The following KCNMB2 variants were observed in gnomAD, a reference collection of about 807,000 sequenced individuals.
The protein encoded by KCNMB2 is potassium calcium-activated channel subfamily M regulatory beta subunit 2, also known as calcium-activated potassium channel subunit beta-2.
Under a neutral mutation model 24.5 loss-of-function variants are expected in KCNMB2, and 9 were observed. The ratio of observed to expected loss-of-function variants is 0.37; its 90% CI spans 0.22 to 0.64. The LOEUF is 0.64. Among genes scored for constraint, KCNMB2 ranks in the 30% least tolerant of loss-of-function variants. KCNMB2 has a pLI of 0.63. For missense variants in KCNMB2, 226 were observed against 284.3 expected, an observed-to-expected ratio of 0.79 and a Z score of 1.47; for synonymous variants, 109 against 104.4, an observed-to-expected ratio of 1.04 and a Z score of -0.27.
At chr3:178,781,317 C>A (rs1224503640) in intron 1 of KCNMB2, among the ~76,000 whole-genome samples, 10 of 152,034 alleles carry the variant, frequency 6.6e-5, no homozygotes, top group African/African-American at 2.2e-4. Flanking sequence ...ATATGACGGG[C>A]ACGGTGGCTC....
intron 1 of KCNMB2, among the ~76,000 whole-genome samples, chr3:178,724,403 G>A (rs1432248820): frequency 2.0e-5 from 3 of 152,080 alleles, no homozygotes; most frequent in African/African-American, 7.2e-5. Flanking sequence ...CTGGATATCA[G>A]TCCTTTGTCA....
At chr3:178,773,447 C>CAAAAT (rs943876617) in intron 1 of KCNMB2, among the ~76,000 whole-genome samples, 1 of 151,886 alleles carries the variant, frequency 6.6e-6, no homozygotes, top group African/African-American at 2.4e-5. Context: ...AATCTGGGTC[C>CAAAAT]AAAATAATCA....
At chr3:178,707,527 G>C (rs551390040) in intron 1 of KCNMB2, among the ~76,000 whole-genome samples, 72 of 152,260 alleles carry the variant, frequency 4.7e-4, no homozygotes, top group African/African-American at 1.7e-3. Flanking sequence ...TCAGGATCAA[G>C]TGGTGATTAC....
At chr3:178,798,734 T>C (rs182534265) in intron 1 of KCNMB2, among the ~76,000 whole-genome samples, 21 of 151,054 alleles carry the variant, frequency 1.4e-4, no homozygotes, top group East Asian at 2.0e-4. Context: ...GGGAGTGAGG[T>C]TGGGGGAGGG....
At chr3:178,721,335 T>G (rs1011635156) in intron 1 of KCNMB2, among the ~76,000 whole-genome samples, 1 of 152,210 alleles carries the variant, frequency 6.6e-6, no homozygotes, top group African/African-American at 2.4e-5. Flanking sequence ...TTGATCTGTA[T>G]CTCTGTTTTG....
intron 1 of KCNMB2, among the ~76,000 whole-genome samples, chr3:178,649,440 C>T (rs1577071625): frequency 1.3e-5 from 2 of 151,942 alleles, no homozygotes; most frequent in East Asian, 3.9e-4. Context: ...CTCCCAACAT[C>T]ATCTATAGAA....
intron 1 of KCNMB2, among the ~76,000 whole-genome samples, chr3:178,717,813 G>A (rs935416496): frequency 6.6e-6 from 1 of 151,850 alleles, no homozygotes; most frequent in African/African-American, 2.4e-5. Context: ...TGGGGAGTAG[G>A]TAGACAAAGC....
chr3:178,672,961 A>G (rs1029716250), intron 1 of KCNMB2, among the ~76,000 whole-genome samples: 5 of 152,180 alleles, frequency 3.3e-5, no homozygotes, highest in Admixed American at 6.5e-5. Context: ...CTGTATCTCC[A>G]GTTCATTTGC....
At chr3:178,676,489 T>A (rs2108588915) in intron 1 of KCNMB2, among the ~76,000 whole-genome samples, 1 of 152,280 alleles carries the variant, frequency 6.6e-6, no homozygotes, top group East Asian at 1.9e-4. Flanking sequence ...GCCATTTTTC[T>A]CCTCCAGCTC....
At chr3:178,653,847 T>C (rs1031783921) in intron 1 of KCNMB2, among the ~76,000 whole-genome samples, 11 of 152,300 alleles carry the variant, frequency 7.2e-5, no homozygotes, top group African/African-American at 2.2e-4. Flanking sequence ...GAAATTGGCC[T>C]ATAATTTTCA....
chr3:178,803,239 C>G (rs1018061826), intron 1 of KCNMB2, among the ~76,000 whole-genome samples: 6 of 152,198 alleles, frequency 3.9e-5, no homozygotes, highest in African/African-American at 1.4e-4. Context: ...GCCCCATCTG[C>G]TGCTCTCACT....
At position 178,693,124 on chromosome 3, in the gene KCNMB2, G is replaced by A. The variant is rs112504495; in HGVS notation, c.-67-114219G>A. On this transcript the variant is annotated intron_variant, in intron 1 of 4. Coordinates refer to ENST00000452583, the MANE Select transcript of KCNMB2 (RefSeq NM_181361.3). The stretch of plus-strand genomic sequence containing the variant: ...TGTATCCTGAGACTTTGCTGAACTT[G>A]TTTATCAGCTTAAGAAGCATTTAGG... Among the ~76,000 whole-genome samples, 253 of 152,256 alleles carry A rather than the reference G, an allele frequency of 1.7e-3. 1 individual carries two copies. Among genetic ancestry groups the A allele is most frequent in the African/African-American group, 5.8e-3 (242 of 41,552 alleles).
At chr3:178,769,432 C>T (rs1712254948) in intron 1 of KCNMB2, among the ~76,000 whole-genome samples, 1 of 152,102 alleles carries the variant, frequency 6.6e-6, no homozygotes. Context: ...GCTGTTGACA[C>T]TCAAAGATGG....
chr3:178,655,136 CTCTCTCTA>C (rs1205759731), intron 1 of KCNMB2, among the ~76,000 whole-genome samples: 67 of 144,726 alleles, frequency 4.6e-4, no homozygotes, highest in African/African-American at 1.5e-3. Flanking sequence ...CTCTCTCTCT[CTCTCTCTA>C]TCTCTATTTC....
At chr3:178,681,009 A>G (rs1242052876) in intron 1 of KCNMB2, among the ~76,000 whole-genome samples, 1 of 152,204 alleles carries the variant, frequency 6.6e-6, no homozygotes. Context: ...TCACAGTCAG[A>G]GCTCTGAGTT....
At chr3:178,774,868 T>C (rs1712517110) in intron 1 of KCNMB2, among the ~76,000 whole-genome samples, 1 of 152,228 alleles carries the variant, frequency 6.6e-6, no homozygotes, top group South Asian at 2.1e-4. Context: ...TTAAATGTTG[T>C]GCATTCCTTC....
chr3:178,784,953 T>C (rs920746739), intron 1 of KCNMB2, among the ~76,000 whole-genome samples: 1 of 150,804 alleles, frequency 6.6e-6, no homozygotes, highest in East Asian at 2.0e-4. Flanking sequence ...GCCCAGAATA[T>C]CTCTGACAAA....
rs144151224 is a variant in KCNMB2, at chr3:178,837,164, G to C, written c.424-5489G>C. ...TGCTTCTGTGAAAACCATGCAGCTA[G>C]TAATTTTCTCGTCTTAGAGATTTCA... is the stretch of plus-strand genomic sequence containing the variant. On this transcript the variant is annotated intron_variant, in intron 4 of 4. Coordinates refer to ENST00000452583, the MANE Select transcript of KCNMB2 (RefSeq NM_181361.3). Among the ~76,000 whole-genome samples, 24 of 152,282 alleles carry C rather than the reference G, an allele frequency of 1.6e-4. No individual in the cohort carries two copies. The East Asian group carries it at 4.4e-3, about 28-fold the overall frequency.
In KCNMB2 at chr3:178,759,459, CTCCAAGAGGATATATATATATATATATA is replaced by C. The variant is rs1161402585; in HGVS notation, c.-67-47881_-67-47854del. On this transcript the variant is annotated intron_variant, in intron 1 of 4. Transcript: ENST00000452583. Reference sequence around the variant, plus strand: ...GATATATATATATATATATATATATCTCCAAGAGGATATATATATATATATATATCTCCAAGAGGATATATATATATCT... The same window carrying C: ...GATATATATATATATATATATATATCTCTCCAAGAGGATATATATATATCT... 4.7e-4 allele frequency among the ~76,000 whole-genome samples: 20 copies of C among 42,640 alleles called. 2 individuals carry two copies. In the South Asian group the frequency reaches 9.4e-3, roughly 20 times the overall value. 28.0% of individuals were successfully genotyped at this position (42,640 alleles called of 152,430 possible).
Sources: gnomAD v4.1 joint callset for allele counts (sites outside exome capture counted in the v4.1 genomes callset) on GRCh38, gnomAD v4.1.1 for gene constraint, MANE v1.5 for transcripts, NCBI Gene and HGNC (gene_info 2026-07-23, HGNC 2026-07-21) for gene names.